Variants in MIA2 observed in about 807,000 individuals in gnomAD.
The protein encoded by MIA2 is MIA SH3 domain ER export factor 2.
In MIA2, 127 loss-of-function variants were observed where a neutral mutation model predicts 167.8. The observed-to-expected ratio is 0.76, with a 90% CI of 0.66 to 0.88. MIA2 has a LOEUF of 0.88. Among genes scored for constraint, MIA2 ranks in the 40% least tolerant of loss-of-function variants. The probability of loss-of-function intolerance (pLI) is 0.00; values close to 1 mark genes in which losing one functional copy is unlikely to be tolerated. For synonymous variants in MIA2, 552 were observed against 541.9 expected, an observed-to-expected ratio of 1.02 and a Z score of -0.26; for missense variants, 1,690 against 1,624.7, an observed-to-expected ratio of 1.04 and a Z score of -0.69.
At chr14:39,298,259 A>G (rs768303061) in intron 13 of MIA2, among the ~76,000 whole-genome samples, 16 of 151,572 alleles carry the variant, frequency 1.1e-4, no homozygotes, top group Non-Finnish European at 2.9e-5. Flanking sequence ...GTATTCACTG[A>G]TGCCATGTTC....
At chr14:39,236,673 G>A (rs543367862) in intron 1 of MIA2, among the ~76,000 whole-genome samples, 10 of 152,146 alleles carry the variant, frequency 6.6e-5, no homozygotes, top group Non-Finnish European at 1.5e-4. Flanking sequence ...TCTGTGTGAA[G>A]GGATAGGAAG....
intron 9 of MIA2, among the ~76,000 whole-genome samples, chr14:39,287,156 C>T (rs991846212): frequency 1.3e-5 from 2 of 152,098 alleles, no homozygotes; most frequent in African/African-American, 4.8e-5. Context: ...TCACTGCAGC[C>T]TCAGCCTCCC....
At chr14:39,309,249 A>G (rs1184374504) in intron 18 of MIA2, among the ~76,000 whole-genome samples, 3 of 152,272 alleles carry the variant, frequency 2.0e-5, no homozygotes, top group Admixed American at 6.5e-5. Context: ...AACATGCAGG[A>G]TGACCCTTAA....
At chr14:39,348,055 C>A (rs1232812987) in intron 27 of MIA2, among the ~76,000 whole-genome samples, 1 of 151,658 alleles carries the variant, frequency 6.6e-6, no homozygotes, top group Admixed American at 6.6e-5. Context: ...TCAGATGATC[C>A]ACTCGCCTTG....
intron 23 of MIA2, among the ~76,000 whole-genome samples, chr14:39,377,961 TA>T (rs1225384710): frequency 6.6e-6 from 1 of 152,186 alleles, no homozygotes; most frequent in Non-Finnish European, 1.5e-5. Flanking sequence ...ATTCTTTACT[TA>T]CCACAGATCA....
chr14:39,359,111 T>G (rs1360766766), intron 23 of MIA2, among the ~76,000 whole-genome samples: 2 of 152,188 alleles, frequency 1.3e-5, no homozygotes, highest in Non-Finnish European at 2.9e-5. Context: ...CTGCAGAGGT[T>G]TCTGCTGCCT....
chr14:39,254,706 G>A (rs1461002395), intron 6 of MIA2, among the ~76,000 whole-genome samples: 2 of 152,100 alleles, frequency 1.3e-5, no homozygotes, highest in Non-Finnish European at 2.9e-5. Context: ...GGATTTTTGT[G>A]TGTGAAATCT....
chr14:39,295,584 G>A (rs1028966327), intron 13 of MIA2, among the ~76,000 whole-genome samples: 3 of 151,800 alleles, frequency 2.0e-5, no homozygotes, highest in Admixed American at 1.3e-4. Flanking sequence ...TTTTTTAGAC[G>A]GAGTCTCACT....
intron 3 of MIA2, among the ~76,000 whole-genome samples, chr14:39,242,162 T>A (rs2152615371): frequency 6.6e-6 from 1 of 152,356 alleles, no homozygotes; most frequent in South Asian, 2.1e-4. Flanking sequence ...ATGCAGTTTA[T>A]GTATACCAAT....
At chr14:39,288,509 C>T (rs571342484) in intron 9 of MIA2, among the ~76,000 whole-genome samples, 1 of 114,192 alleles carries the variant, frequency 8.8e-6, no homozygotes, top group African/African-American at 3.6e-5. Context: ...GAGTCTGGCG[C>T]TGTCACCCGG....
chr14:39,255,758 T>C (rs898394988), intron 6 of MIA2, among the ~76,000 whole-genome samples: 1 of 152,234 alleles, frequency 6.6e-6, no homozygotes, highest in Non-Finnish European at 1.5e-5. Flanking sequence ...CTATATAAAG[T>C]GCTTATTTAA....
intron 23 of MIA2, among the ~76,000 whole-genome samples, chr14:39,382,146 C>T (rs995976017): frequency 6.6e-6 from 1 of 152,192 alleles, no homozygotes; most frequent in Non-Finnish European, 1.5e-5. Context: ...GGAAAACTCA[C>T]CTTTCTTGTT....
chr14:39,305,582 C>G (rs975425085), intron 17 of MIA2, among the ~76,000 whole-genome samples: 11 of 152,258 alleles, frequency 7.2e-5, no homozygotes, highest in Admixed American at 6.5e-4. Context: ...TAAACTGTTT[C>G]TTCCTTTTCT....
intron 23 of MIA2, among the ~76,000 whole-genome samples, chr14:39,365,264 C>T (rs1327294795): frequency 2.6e-5 from 4 of 152,104 alleles, no homozygotes; most frequent in Admixed American, 6.5e-5. Flanking sequence ...CGGGGTTTCA[C>T]CATGTTGTCC....
chr14:39,335,424 G>A (rs570030110), intron 25 of MIA2, among the ~76,000 whole-genome samples: 45 of 152,094 alleles, frequency 3.0e-4, no homozygotes, highest in Non-Finnish European at 6.2e-4. Context: ...ATTGACTTAA[G>A]ATGAGTTAGC....
At chr14:39,379,843 A>G (rs1485004180) in intron 23 of MIA2, among the ~76,000 whole-genome samples, 8 of 152,010 alleles carry the variant, frequency 5.3e-5, no homozygotes, top group East Asian at 1.9e-4. Context: ...GAGCAAGACT[A>G]TGTCTCAAAA....
chr14:39,332,948 T>C (rs766370842), intron 25 of MIA2, among the ~76,000 whole-genome samples: 3 of 152,194 alleles, frequency 2.0e-5, no homozygotes, highest in South Asian at 2.1e-4. Context: ...CATTCTGTTA[T>C]TAAGCTTATC....
chr14:39,303,408 C>A, intron 15 of MIA2, 70 bp from the exon 16 acceptor site: 2 of 1,163,994 alleles, frequency 1.7e-6, no homozygotes, highest in South Asian at 2.6e-5. Flanking sequence ...CTGATAAAAT[C>A]ATTTTGATGT....
chr14:39,326,928 T>G lies in MIA2; in HGVS notation c.3561T>G (p.Cys1187Trp), dbSNP rs780960571. 1.5e-5 allele frequency: 24 copies of G among 1,598,682 alleles called. No individual in the cohort carries two copies. In the South Asian group the frequency reaches 2.5e-4, roughly 17 times the overall value. ...CCAATGAAAGAGGAGAATCAAGCTG[T>G]GATAGGTTAACCGATCCTCATAGGG... ...QITNERGESS[C>W]DRLTDPHRAP... Residue 1187 changes from cysteine (C) to tryptophan (W), a missense_variant, in exon 25 of 29, where the codon TGT becomes TGG. Coordinates refer to ENST00000640607, the MANE Select transcript of MIA2 (RefSeq NM_001329214.4).
Sources: allele counts gnomAD v4.1 joint callset (sites outside exome capture counted in the v4.1 genomes callset), GRCh38; gene constraint gnomAD v4.1.1; transcripts MANE v1.5; gene names NCBI Gene and HGNC (gene_info 2026-07-23, HGNC 2026-07-21).